Variants in RBMS3 observed in about 807,000 individuals in gnomAD.
RBMS3 encodes the protein RNA-binding motif, single-stranded-interacting protein 3.
In RBMS3, 27 loss-of-function variants were observed where a neutral mutation model predicts 66.8. The observed-to-expected ratio is 0.40, with a 90% CI of 0.30 to 0.56. The LOEUF (loss-of-function observed/expected upper bound fraction) is 0.56. RBMS3 is among the 20% of genes least tolerant of loss of function. The probability of loss-of-function intolerance (pLI) is 0.40; values close to 1 mark genes in which losing one functional copy is unlikely to be tolerated. For synonymous variants in RBMS3, 188 were observed against 183.0 expected, an observed-to-expected ratio of 1.03 and a Z score of -0.22; for missense variants, 513 against 549.5, an observed-to-expected ratio of 0.93 and a Z score of 0.66.
chr3:29,923,551 C>T (rs564448757), intron 10 of RBMS3, among the ~76,000 whole-genome samples: 2 of 151,936 alleles, frequency 1.3e-5, no homozygotes, highest in South Asian at 2.1e-4. Flanking sequence ...TTTTGCTGAC[C>T]GTTCATTTCC....
Position 29,397,313 on chromosome 3 carries a change from T to C in RBMS3, c.76-37430T>C, listed in dbSNP as rs570067925. Among the ~76,000 whole-genome samples the C allele has an allele frequency of 5.3e-5, 8 of 152,328 alleles. No individual in the cohort carries two copies. In the East Asian group the frequency reaches 1.5e-3, roughly 29 times the overall value. ...CATAATATAGCATGGTTTAGGAACA[T>C]GTTTCCTGTAGTCTATGATTGAATT... On this transcript the variant is annotated intron_variant, in intron 1 of 14. Coordinates refer to ENST00000383767, the MANE Select transcript of RBMS3 (RefSeq NM_001003793.3).
intron 4 of RBMS3, among the ~76,000 whole-genome samples, chr3:29,671,912 A>T (rs1223499537): frequency 2.0e-5 from 3 of 152,206 alleles, no homozygotes; most frequent in South Asian, 2.1e-4. Context: ...GCCAACATTC[A>T]AATTAAGGAA....
At position 29,696,924 on chromosome 3, in the gene RBMS3, C is replaced by T. The variant is rs1206579668; in HGVS notation, c.400-42796C>T. Reference sequence around the variant, plus strand: ...CCCCTGATTGACTAGTAAAATGTCTCCCCTGGTCGTTTGGGTTTTTTTTAA... The same window carrying T: ...CCCCTGATTGACTAGTAAAATGTCTTCCCTGGTCGTTTGGGTTTTTTTTAA... On this transcript the variant is annotated intron_variant, in intron 4 of 14. Coordinates refer to ENST00000383767, the MANE Select transcript of RBMS3 (RefSeq NM_001003793.3). 5.1e-6 allele frequency: 5 copies of T among 981,600 alleles called. No individual in the cohort carries two copies. The South Asian group carries it at 1.9e-4, about 37-fold the overall frequency. 60.8% of individuals were successfully genotyped at this position (981,600 alleles called of 1,614,324 possible).
intron 11 of RBMS3, among the ~76,000 whole-genome samples, chr3:29,942,238 G>T (rs2061409214): frequency 6.6e-6 from 1 of 151,728 alleles, no homozygotes; most frequent in Non-Finnish European, 1.5e-5. Flanking sequence ...TGGAAGTAAG[G>T]CAGGCTGTAG....
chr3:29,384,058 G>A (rs577610991), intron 1 of RBMS3, among the ~76,000 whole-genome samples: 5 of 152,208 alleles, frequency 3.3e-5, no homozygotes, highest in Non-Finnish European at 7.3e-5. Context: ...GCTCATGCCT[G>A]TAATCCCAGC....
At chr3:29,346,430 G>C (rs1217629206) in intron 1 of RBMS3, among the ~76,000 whole-genome samples, 1 of 111,942 alleles carries the variant, frequency 8.9e-6, no homozygotes, top group Non-Finnish European at 1.7e-5. Context: ...TTGAGATGGA[G>C]TCTTGCTTTG....
At chr3:29,545,236 AATAAGCT>A (rs778394359) in intron 3 of RBMS3, among the ~76,000 whole-genome samples, 4 of 152,160 alleles carry the variant, frequency 2.6e-5, no homozygotes, top group Non-Finnish European at 5.9e-5. Flanking sequence ...ATTGGAAAGA[AATAAGCT>A]ATAAAACATT....
chr3:29,657,855 A>G (rs1022300006), intron 4 of RBMS3, among the ~76,000 whole-genome samples: 1 of 152,220 alleles, frequency 6.6e-6, no homozygotes, highest in Admixed American at 6.5e-5. Context: ...CCAAACTGTT[A>G]CTTGTCACAA....
chr3:29,637,259 C>T (rs1214249833), intron 4 of RBMS3, among the ~76,000 whole-genome samples: 1 of 151,734 alleles, frequency 6.6e-6, no homozygotes, highest in Non-Finnish European at 1.5e-5. Context: ...AGCAGAAGTT[C>T]TATGTTTTCT....
intron 5 of RBMS3, among the ~76,000 whole-genome samples, chr3:29,744,184 C>T (rs1202166439): frequency 6.6e-6 from 1 of 152,066 alleles, no homozygotes; most frequent in Non-Finnish European, 1.5e-5. Context: ...TAATAAGGAA[C>T]TATCCCCCTT....
At chr3:29,790,342 CTT>C in intron 6 of RBMS3, among the ~76,000 whole-genome samples, 1 of 152,198 alleles carries the variant, frequency 6.6e-6, no homozygotes, top group African/African-American at 2.4e-5. Context: ...TGTGAGGCGT[CTT>C]TTGTAAAGTA....
chr3:29,776,577 T>G (rs2056435116), intron 6 of RBMS3, among the ~76,000 whole-genome samples: 1 of 152,008 alleles, frequency 6.6e-6, no homozygotes. Context: ...GTTTCTAGAA[T>G]TAACTGAGAG....
At chr3:29,355,925 C>A (rs2037199538) in intron 1 of RBMS3, among the ~76,000 whole-genome samples, 1 of 152,136 alleles carries the variant, frequency 6.6e-6, no homozygotes, top group African/African-American at 2.4e-5. Context: ...TTCCCATAGT[C>A]TCCCTCCCAG....
At chr3:29,896,756 C>T (rs968503726) in intron 8 of RBMS3, among the ~76,000 whole-genome samples, 1 of 151,550 alleles carries the variant, frequency 6.6e-6, no homozygotes, top group Admixed American at 6.6e-5. Flanking sequence ...CAATGAGAGG[C>T]TCTGGAGGAC....
At chr3:29,927,642 G>A (rs750141915) in intron 10 of RBMS3, among the ~76,000 whole-genome samples, 9 of 152,150 alleles carry the variant, frequency 5.9e-5, no homozygotes, top group Admixed American at 2.0e-4. Context: ...GAAGCCTAGC[G>A]TTGCAGGCCA....
intron 6 of RBMS3, among the ~76,000 whole-genome samples, chr3:29,840,684 T>A (rs1175924691): frequency 6.6e-6 from 1 of 152,038 alleles, no homozygotes; most frequent in Non-Finnish European, 1.5e-5. Context: ...TGGCATATGA[T>A]AGATATATTT....
At chr3:29,550,469 G>A (rs1576199774) in intron 3 of RBMS3, among the ~76,000 whole-genome samples, 2 of 152,208 alleles carry the variant, frequency 1.3e-5, no homozygotes, top group South Asian at 4.1e-4. Context: ...TTAGAAAAAT[G>A]ATTTAGTGTA....
At chr3:29,502,158 G>T (rs976440960) in intron 3 of RBMS3, among the ~76,000 whole-genome samples, 6 of 152,030 alleles carry the variant, frequency 3.9e-5, no homozygotes, top group Admixed American at 1.3e-4. Flanking sequence ...TCACTCATTT[G>T]TATACCTGCT....
intron 7 of RBMS3, among the ~76,000 whole-genome samples, chr3:29,881,060 T>C (rs535743809): frequency 1.3e-5 from 2 of 152,094 alleles, no homozygotes; most frequent in African/African-American, 2.4e-5. Context: ...CCTCCATCCT[T>C]ACCTTTTGAG....
Sources: gnomAD v4.1 joint callset for allele counts (sites outside exome capture counted in the v4.1 genomes callset) on GRCh38, gnomAD v4.1.1 for gene constraint, MANE v1.5 for transcripts, NCBI Gene and HGNC (gene_info 2026-07-23, HGNC 2026-07-21) for gene names.